The following MECOM variants were observed in gnomAD, a reference collection of about 807,000 sequenced individuals.
The protein encoded by MECOM is MDS1 and EVI1 complex locus, also known as histone-lysine N-methyltransferase MECOM.
MECOM carries 13 observed loss-of-function variants against 116.3 expected under a neutral mutation model. The ratio of observed to expected loss-of-function variants is 0.11; its 90% confidence interval spans 0.07 to 0.18. The LOEUF is 0.18. Among genes scored for constraint, MECOM ranks in the 10% least tolerant of loss-of-function variants. MECOM has a pLI of 1.00. For missense variants in MECOM, 1,299 were observed against 1,509.0 expected, an observed-to-expected ratio of 0.86 and a Z score of 2.31; for synonymous variants, 528 against 535.2, an observed-to-expected ratio of 0.99 and a Z score of 0.19.
rs1285167409 is a variant in MECOM, at chr3:169,122,627, T to A, written c.931A>T (p.Met311Leu). ...TAGTGCTTTCCACTGTCATGTGACATCTGGTGGCGAATTAAATTGGACTTC... is the reference window on the plus strand; with the variant it reads ...TAGTGCTTTCCACTGTCATGTGACAACTGGTGGCGAATTAAATTGGACTTC... ...NWKSNLIRHQ[M>L]SHDSGKHYEC... is the part of the protein sequence containing the mutation. Residue 311 changes from methionine to leucine, a missense_variant, in exon 6 of 17, where the codon ATG becomes TTG. Physicochemically the swap from Met to Leu is conservative, Grantham distance 15. This residue lies in a region of MECOM where 374 missense variants were observed against 433.4 expected (regional missense o/e 0.86). Transcript: ENST00000651503. 6.2e-7 allele frequency: 1 copy of A among 1,614,086 alleles called. No homozygotes were observed. The highest frequency in any genetic ancestry group is 1.1e-5 in the South Asian group (1 of 91,076).
chr3:169,332,881 C>T (rs1265091502), intron 2 of MECOM, among the ~76,000 whole-genome samples: 1 of 151,968 alleles, frequency 6.6e-6, no homozygotes, highest in Admixed American at 6.6e-5. Context: ...TTAACCAAGT[C>T]TATGCTAACC....
chr3:169,097,382 C>T (rs1240574759), intron 12 of MECOM, among the ~76,000 whole-genome samples: 2 of 152,068 alleles, frequency 1.3e-5, no homozygotes, highest in Middle Eastern at 3.2e-3. Flanking sequence ...TCCTTCTACA[C>T]AATTCCAATA....
chr3:169,418,653 T>C (rs12632763), intron 1 of MECOM, among the ~76,000 whole-genome samples: 6,743 of 152,206 alleles, frequency 0.044, 459 homozygotes, highest in Admixed American at 0.19. Flanking sequence ...AACCACATGA[T>C]TATCTCAATA....
chr3:169,118,396 C>T (rs1160971774), intron 7 of MECOM, among the ~76,000 whole-genome samples: 1 of 152,030 alleles, frequency 6.6e-6, no homozygotes, highest in Non-Finnish European at 1.5e-5. Flanking sequence ...AATATATCGA[C>T]CAGAGTCAGC....
intron 1 of MECOM, among the ~76,000 whole-genome samples, chr3:169,561,203 CAGTA>C (rs1206205934): frequency 6.6e-6 from 1 of 151,864 alleles, no homozygotes; most frequent in African/African-American, 2.4e-5. Flanking sequence ...CTTTCATACA[CAGTA>C]AGTAAGAGTA....
At chr3:169,594,174 A>AAAAAAAAAAAACC (rs1255613781) in intron 1 of MECOM, among the ~76,000 whole-genome samples, 1 of 125,932 alleles carries the variant, frequency 7.9e-6, no homozygotes, top group African/African-American at 3.2e-5. Context: ...AAAAAAAAAA[A>AAAAAAAAAAAACC]AACACCTTTT....
chr3:169,530,320 A>C (rs1182807238), intron 1 of MECOM, among the ~76,000 whole-genome samples: 1 of 152,218 alleles, frequency 6.6e-6, no homozygotes, highest in Non-Finnish European at 1.5e-5. Flanking sequence ...TGGAGTGTGC[A>C]TCTTTAACAA....
intron 1 of MECOM, among the ~76,000 whole-genome samples, chr3:169,439,957 A>C (rs1174572258): frequency 6.6e-6 from 1 of 152,198 alleles, no homozygotes; most frequent in Non-Finnish European, 1.5e-5. Context: ...AAAACAAGCA[A>C]AGCCAAACAA....
At chr3:169,298,861 C>G (rs1038686448) in intron 2 of MECOM, among the ~76,000 whole-genome samples, 1 of 152,088 alleles carries the variant, frequency 6.6e-6, no homozygotes, top group Non-Finnish European at 1.5e-5. Flanking sequence ...TTTTAATGTC[C>G]TTTGGGTCCT....
intron 3 of MECOM, among the ~76,000 whole-genome samples, chr3:169,134,902 C>T (rs1247954762): frequency 1.3e-5 from 2 of 152,030 alleles, no homozygotes; most frequent in African/African-American, 2.4e-5. Flanking sequence ...GATGGGATGT[C>T]ATCTTAGAGG....
At chr3:169,303,104 T>C (rs1717061431) in intron 2 of MECOM, among the ~76,000 whole-genome samples, 1 of 152,154 alleles carries the variant, frequency 6.6e-6, no homozygotes, top group Non-Finnish European at 1.5e-5. Context: ...ACACCACCAA[T>C]AAATTTATGT....
At chr3:169,348,521 C>T (rs1395952482) in intron 2 of MECOM, among the ~76,000 whole-genome samples, 1 of 151,950 alleles carries the variant, frequency 6.6e-6, no homozygotes, top group Non-Finnish European at 1.5e-5. Context: ...AATATACTCA[C>T]ACCTTTTCAT....
chr3:169,269,123 C>G (rs1450933397), intron 2 of MECOM: 5 of 151,898 alleles, frequency 3.3e-5, no homozygotes, highest in Non-Finnish European at 7.4e-5. Flanking sequence ...AAGCCCATTT[C>G]CATGTGTTTA....
rs916439570 is a variant in MECOM, at chr3:169,649,396, C to T, written c.37+13940G>A. Among the ~76,000 whole-genome samples the T allele has an allele frequency of 2.5e-4, 24 of 97,426 alleles. 4 individuals carry two copies. Among genetic ancestry groups the T allele is most frequent in the South Asian group, 1.3e-3 (4 of 2,986 alleles). The allele number at this position is 97,426 out of a possible 152,430, so 63.9% of individuals were successfully genotyped here. A position where few individuals can be genotyped will look rare whatever the true frequency, so the allele number is the denominator to read the frequency against. Reference sequence around the variant, plus strand: ...TGCACTCCAGCCTGGGCGGCAAGAGCGAAACTCCATCTCAAAAAAAAAAAA... The same window carrying T: ...TGCACTCCAGCCTGGGCGGCAAGAGTGAAACTCCATCTCAAAAAAAAAAAA... On this transcript the variant is annotated intron_variant, in intron 1 of 16. Transcript: ENST00000651503.
rs568478982 is a variant in MECOM at position 169,239,541 on chromosome 3, ATAT to A, written c.376-95712_376-95710del. On this transcript the variant is annotated intron_variant, in intron 2 of 16. Transcript: ENST00000651503. ...ACTATTTAGAAATATAAGTTAAAAT[ATAT>A]TATAATTGAGATTCAAATAAAAAGT... 3.6e-3 allele frequency among the ~76,000 whole-genome samples: 542 copies of A among 152,084 alleles called. 2 individuals are homozygous for A. The highest frequency in any genetic ancestry group is 0.012 in the African/African-American group (512 of 41,570).
intron 1 of MECOM, among the ~76,000 whole-genome samples, chr3:169,518,152 G>A (rs999545298): frequency 2.6e-5 from 4 of 152,056 alleles, no homozygotes; most frequent in African/African-American, 9.7e-5. Flanking sequence ...CCAGCTACTT[G>A]GGAGGCTGAG....
At chr3:169,267,345 C>T (rs755913001) in intron 2 of MECOM, among the ~76,000 whole-genome samples, 6 of 152,170 alleles carry the variant, frequency 3.9e-5, no homozygotes, top group Non-Finnish European at 8.8e-5. Flanking sequence ...TAATTTTTGC[C>T]TTTCCATAGA....
intron 1 of MECOM, among the ~76,000 whole-genome samples, chr3:169,457,093 A>T (rs777841746): frequency 3.3e-4 from 50 of 152,118 alleles, no homozygotes; most frequent in Non-Finnish European, 5.1e-4. Flanking sequence ...ATCGTTCTCC[A>T]GCTCTGTTCA....
intron 1 of MECOM, among the ~76,000 whole-genome samples, chr3:169,635,381 G>A (rs1211269257): frequency 6.6e-6 from 1 of 152,072 alleles, no homozygotes; most frequent in Admixed American, 6.5e-5. Context: ...TGCCTACCGA[G>A]GTAAATACAC....
Sources: gnomAD v4.1 joint callset for allele counts (sites outside exome capture counted in the v4.1 genomes callset) on GRCh38, gnomAD v4.1.1 for gene constraint, gnomAD v4.1.1 regional missense constraint, MANE v1.5 for transcripts, NCBI Gene and HGNC (gene_info 2026-07-23, HGNC 2026-07-21) for gene names.